The following PARK7 variants were observed in gnomAD, a reference collection of about 807,000 sequenced individuals.
PARK7 encodes Parkinsonism associated deglycase, also known as Parkinson disease protein 7.
Under a neutral mutation model 20.5 loss-of-function variants are expected in PARK7, and 14 were observed. The ratio of observed to expected loss-of-function variants is 0.68; its 90% CI spans 0.45 to 1.07. PARK7 has a LOEUF of 1.07. Ranked by LOEUF, PARK7 falls within the 50% of genes least tolerant of loss-of-function variation. PARK7 has a pLI of 0.00. For synonymous variants in PARK7, 98 were observed against 84.3 expected (o/e 1.16, Z -0.89); for missense variants, 234 against 238.1 (o/e 0.98, Z 0.11).
At chr1:7,978,844 CAAAAAA>C (rs368607562) in intron 6 of PARK7, among the ~76,000 whole-genome samples, 2 of 107,114 alleles carry the variant, frequency 1.9e-5, no homozygotes, top group Admixed American at 9.1e-5. Context: ...AAGACCCTAT[CAAAAAA>C]AAAAAAAAAA....
intron 6 of PARK7, 92 bp downstream of exon 6, chr1:7,977,830 G>T (rs1310766046): frequency 9.2e-7 from 1 of 1,090,996 alleles, no homozygotes; most frequent in East Asian, 2.4e-5. Context: ...CGTGATCTTG[G>T]CTTACTGCAA....
intron 3 of PARK7, 104 bp downstream of exon 3, chr1:7,965,529 C>A: frequency 1.0e-6 from 1 of 983,654 alleles, no homozygotes. Context: ...AATTATTTTG[C>A]TTGAATGTCT....
In PARK7 at chr1:7,962,760, A is replaced by G; in HGVS notation, c.-23-3A>G. On this transcript the variant is annotated splice_region_variant and splice_polypyrimidine_tract_variant and intron_variant, in intron 1 of 6. Coordinates refer to ENST00000338639, the MANE Select transcript of PARK7 (RefSeq NM_007262.5). The stretch of plus-strand genomic sequence containing the variant: ...GAAATCTTTTTTTTTTTTTTTTTTT[A>G]AGGCTTGTAAACATATAACATAAAA... 1.7e-6 allele frequency: 2 copies of G among 1,159,214 alleles called. No individual in the cohort carries two copies. The highest frequency in any genetic ancestry group is 2.4e-6 in the Non-Finnish European group (2 of 829,508). 71.8% of individuals were successfully genotyped at this position (1,159,214 alleles called of 1,614,324 possible).
Position 7,984,236 on chromosome 1 carries a change from C to G in PARK7, c.410-658C>G, listed in dbSNP as rs868158548. Among the ~76,000 whole-genome samples, 4 of 152,054 alleles carry G rather than the reference C, an allele frequency of 2.6e-5. No homozygotes were observed. Among genetic ancestry groups the G allele is most frequent in the East Asian group, 1.9e-4 (1 of 5,194 alleles). On this transcript the variant is annotated intron_variant, in intron 6 of 6. Coordinates refer to ENST00000338639, the MANE Select transcript of PARK7 (RefSeq NM_007262.5). This position sits in a 1 kb window ranked among gnomAD's most constrained non-coding sequence, Gnocchi z 4.3. ...TGGGTGTGGGGAGGGAGGTTAGGCTCTGTGTGCAGTGGAGAGGCTGGTGAC... is the reference window on the plus strand; with the variant it reads ...TGGGTGTGGGGAGGGAGGTTAGGCTGTGTGTGCAGTGGAGAGGCTGGTGAC...
intron 5 of PARK7, among the ~76,000 whole-genome samples, chr1:7,974,850 CTTTTT>C (rs547673963): frequency 8.0e-6 from 1 of 125,604 alleles, no homozygotes; most frequent in Non-Finnish European, 1.7e-5. Context: ...AAATAAGATT[CTTTTT>C]TTTTTTTTTT....
At chr1:7,972,808 G>C (rs1371928381) in intron 5 of PARK7, among the ~76,000 whole-genome samples, 1 of 152,068 alleles carries the variant, frequency 6.6e-6, no homozygotes, top group African/African-American at 2.4e-5. Flanking sequence ...GGAGGCTGAG[G>C]TGGGAGGATC....
rs964799649 is a variant in PARK7 at position 7,963,416 on chromosome 1, C to G, written c.90+541C>G. Among the ~76,000 whole-genome samples the G allele has an allele frequency of 4.7e-5, 7 of 148,456 alleles. 1 individual carries two copies. Among genetic ancestry groups the G allele is most frequent in the African/African-American group, 1.7e-4 (7 of 40,238 alleles). ...TTTTTTTTTTTGAGATGGTGTCTCTCTGTGTCGCTCAGCCTGGAACGCAGT... is the reference window on the plus strand; with the variant it reads ...TTTTTTTTTTTGAGATGGTGTCTCTGTGTGTCGCTCAGCCTGGAACGCAGT... On this transcript the variant is annotated intron_variant, in intron 2 of 6. Coordinates refer to ENST00000338639, the MANE Select transcript of PARK7 (RefSeq NM_007262.5).
chr1:7,976,049 A>G (rs1178086325), intron 5 of PARK7, among the ~76,000 whole-genome samples: 3 of 152,206 alleles, frequency 2.0e-5, no homozygotes, highest in Non-Finnish European at 4.4e-5. Context: ...GTAATTAGGT[A>G]GTATTTGTGT....
chr1:7,967,070 C>G (rs1014941411), intron 3 of PARK7, among the ~76,000 whole-genome samples: 6 of 152,210 alleles, frequency 3.9e-5, no homozygotes, highest in Non-Finnish European at 5.9e-5. Flanking sequence ...TCCCCACTTT[C>G]TCCTATCCTC....
intron 2 of PARK7, 81 bp downstream of exon 2, chr1:7,962,956 G>A: frequency 1.7e-6 from 2 of 1,148,114 alleles, no homozygotes; most frequent in Non-Finnish European, 1.3e-6. Context: ...AATATTCAAA[G>A]TGCTCTATGA....
chr1:7,963,721 T>C (rs959362362), intron 2 of PARK7, among the ~76,000 whole-genome samples: 2 of 152,234 alleles, frequency 1.3e-5, no homozygotes, highest in African/African-American at 4.8e-5. Context: ...GAAATACATT[T>C]GAAGCCCCCT....
intron 4 of PARK7, 78 bp from the exon 5 acceptor site, chr1:7,970,816 T>C: frequency 1.4e-6 from 2 of 1,411,576 alleles, no homozygotes; most frequent in South Asian, 1.2e-5. Context: ...AAAATTAAAT[T>C]CTTCCAAAGT....
chr1:7,973,920 A>T (rs543866938), intron 5 of PARK7, among the ~76,000 whole-genome samples: 1 of 150,138 alleles, frequency 6.7e-6, no homozygotes, highest in East Asian at 2.4e-4. Context: ...AAAAAAAAAA[A>T]AAAAATCAAC....
intron 3 of PARK7, among the ~76,000 whole-genome samples, chr1:7,966,574 T>G (rs989173770): frequency 4.6e-5 from 7 of 152,002 alleles, no homozygotes; most frequent in African/African-American, 1.2e-4. Context: ...GGTGCATGCC[T>G]GTAGTTCTAG....
chr1:7,977,455 C>G (rs992098999), intron 5 of PARK7, among the ~76,000 whole-genome samples, 197 bp from the exon 6 acceptor site: 5 of 152,050 alleles, frequency 3.3e-5, no homozygotes, highest in African/African-American at 1.2e-4. Context: ...TTTGCTGTTG[C>G]AGTTTTTGTT....
At chr1:7,983,315 A>G (rs1170404428) in intron 6 of PARK7, among the ~76,000 whole-genome samples, 1 of 152,254 alleles carries the variant, frequency 6.6e-6, no homozygotes, top group Non-Finnish European at 1.5e-5. Context: ...AGGAGTTCAC[A>G]GAGGAGCTTT....
At chr1:7,965,560 G>GTGAGCT (rs1262705155) in intron 3 of PARK7, 135 bp downstream of exon 3, 2 of 778,120 alleles carry the variant, frequency 2.6e-6, no homozygotes, top group East Asian at 5.2e-5. Context: ...GATTAAGAGG[G>GTGAGCT]TGAGGACTTT....
chr1:7,971,139 T>C lies in PARK7; in HGVS notation c.322+176T>C, dbSNP rs1205235027. 8 of 711,934 alleles carry C rather than the reference T, an allele frequency of 1.1e-5. No individual in the cohort carries two copies. In the African/African-American group the frequency reaches 1.4e-4, roughly 12 times the overall value. The allele number at this position is 711,934 out of a possible 1,614,324, so 44.1% of individuals were successfully genotyped here. A position where few individuals can be genotyped will look rare whatever the true frequency, so the allele number is the denominator to read the frequency against. On this transcript the variant is annotated intron_variant, in intron 5 of 6. Coordinates refer to ENST00000338639, the MANE Select transcript of PARK7 (RefSeq NM_007262.5). Reference sequence around the variant, plus strand: ...TCATTTCAGAGATGAGGACAATTGTTCTGTTTTCTGCCTCTCCATGCCTTT... The same window carrying C: ...TCATTTCAGAGATGAGGACAATTGTCCTGTTTTCTGCCTCTCCATGCCTTT...
chr1:7,968,271 C>CT (rs1488682372), intron 3 of PARK7, among the ~76,000 whole-genome samples: 1 of 137,890 alleles, frequency 7.3e-6, no homozygotes, highest in Admixed American at 7.7e-5. Context: ...TCACTGCACT[C>CT]TAACCTGGGT....
Sources: gnomAD v4.1 joint callset for allele counts (sites outside exome capture counted in the v4.1 genomes callset) on GRCh38, gnomAD v4.1.1 for gene constraint, Gnocchi (gnomAD v3.1) non-coding constraint, MANE v1.5 for transcripts, NCBI Gene and HGNC (gene_info 2026-07-23, HGNC 2026-07-21) for gene names.